Variants in CACNA2D1 observed in about 807,000 individuals in gnomAD.
The protein encoded by CACNA2D1 is calcium voltage-gated channel auxiliary subunit alpha2delta 1, also known as voltage-dependent calcium channel subunit alpha-2/delta-1.
In CACNA2D1, 53 loss-of-function variants were observed where a neutral mutation model predicts 171.5. That is an observed-to-expected ratio of 0.31 (90% confidence interval 0.25 to 0.39). The LOEUF is 0.39. CACNA2D1 is among the 10% of genes least tolerant of loss of function. The probability of loss-of-function intolerance (pLI) is 1.00; values close to 1 mark genes in which losing one functional copy is unlikely to be tolerated. For synonymous variants in CACNA2D1, 442 were observed against 443.1 expected (o/e 1.00, Z 0.03); for missense variants, 903 against 1,299.8 (o/e 0.69, Z 4.69).
intron 3 of CACNA2D1, among the ~76,000 whole-genome samples, chr7:82,305,730 AT>A (rs1813645932): frequency 1.3e-5 from 2 of 152,340 alleles, no homozygotes; most frequent in South Asian, 4.1e-4. Flanking sequence ...ATAAATTTAT[AT>A]GATTTTCTCC....
intron 31 of CACNA2D1, 28 bp downstream of exon 31, chr7:81,967,141 C>G: frequency 6.4e-7 from 1 of 1,568,108 alleles, no homozygotes; most frequent in Non-Finnish European, 8.8e-7. Context: ...ATATTGTACT[C>G]AAAAGTGATT....
At chr7:82,167,363 C>A (rs539655769) in intron 4 of CACNA2D1, among the ~76,000 whole-genome samples, 4 of 152,052 alleles carry the variant, frequency 2.6e-5, no homozygotes, top group African/African-American at 9.6e-5. Flanking sequence ...CGAATTTGAA[C>A]TGTATTCTGC....
chr7:82,336,293 T>C (rs913538097), intron 2 of CACNA2D1, among the ~76,000 whole-genome samples: 1 of 152,198 alleles, frequency 6.6e-6, no homozygotes, highest in Non-Finnish European at 1.5e-5. Flanking sequence ...CACTGGTGAA[T>C]ACTGGCTTCA....
intron 4 of CACNA2D1, among the ~76,000 whole-genome samples, chr7:82,160,225 C>A (rs372394035): frequency 2.6e-5 from 4 of 151,816 alleles, no homozygotes; most frequent in South Asian, 4.2e-4. Flanking sequence ...GCCAGGGCAA[C>A]CTTCAAGTCC....
intron 3 of CACNA2D1, among the ~76,000 whole-genome samples, chr7:82,289,731 A>G (rs1811283471): frequency 6.6e-6 from 1 of 152,218 alleles, no homozygotes; most frequent in Non-Finnish European, 1.5e-5. Flanking sequence ...TCTAATATTT[A>G]CGGCCTTTTT....
intron 1 of CACNA2D1, among the ~76,000 whole-genome samples, chr7:82,357,776 G>A (rs536522211): frequency 6.6e-6 from 1 of 151,220 alleles, no homozygotes; most frequent in Admixed American, 6.6e-5. Context: ...ACCAGTTAAT[G>A]GGTGCAGCAC....
At chr7:81,964,455 A>G in intron 32 of CACNA2D1, 96 bp from the exon 33 acceptor site, 1 of 959,474 alleles carries the variant, frequency 1.0e-6, no homozygotes. Flanking sequence ...AATAATACAA[A>G]GAAACTGAAC....
intron 21 of CACNA2D1, 117 bp from the exon 22 acceptor site, chr7:81,984,828 G>T: frequency 1.5e-6 from 1 of 687,592 alleles, no homozygotes; most frequent in South Asian, 1.6e-5. Context: ...GGAAGGAAAA[G>T]ACATATTACT....
chr7:82,014,547 G>T, intron 12 of CACNA2D1, 68 bp from the exon 13 acceptor site: 1 of 853,682 alleles, frequency 1.2e-6, no homozygotes, highest in Non-Finnish European at 2.0e-6. Flanking sequence ...AAATAAAACA[G>T]CTAAAATTTC....
At position 82,007,758 on chromosome 7, in the gene CACNA2D1, T is replaced by TA; in HGVS notation, c.1363-3dup. ...TCCAGTAATGACAAGTCCCAGTTCC[T>TA]AAAAATAGATTCAGAGAGAAAGGGC... On this transcript the variant is annotated splice_region_variant and splice_polypyrimidine_tract_variant and intron_variant, in intron 15 of 38. Coordinates refer to ENST00000356860, the MANE Select transcript of CACNA2D1 (RefSeq NM_000722.4). 1 of 1,557,698 alleles carries TA rather than the reference T, an allele frequency of 6.4e-7. No individual in the cohort carries two copies. Among genetic ancestry groups the TA allele is most frequent in the African/African-American group, 1.4e-5 (1 of 73,834 alleles).
chr7:81,999,314 G>A (rs1341048556), intron 18 of CACNA2D1, among the ~76,000 whole-genome samples: 1 of 152,016 alleles, frequency 6.6e-6, no homozygotes. Context: ...AAATTCAAAA[G>A]CATAATCTTT....
At chr7:82,183,029 T>C (rs1413317834) in intron 3 of CACNA2D1, among the ~76,000 whole-genome samples, 1 of 126,166 alleles carries the variant, frequency 7.9e-6, no homozygotes, top group Non-Finnish European at 1.7e-5. Context: ...AGTGTGAGAC[T>C]CCATCTTAAA....
At chr7:82,378,514 A>T (rs1823278232) in intron 1 of CACNA2D1, among the ~76,000 whole-genome samples, 2 of 152,182 alleles carry the variant, frequency 1.3e-5, no homozygotes, top group Admixed American at 6.5e-5. Flanking sequence ...CTTAAAAATT[A>T]TATTTTGTTA....
chr7:81,997,796 C>T (rs1380333280), intron 18 of CACNA2D1, among the ~76,000 whole-genome samples: 4 of 151,790 alleles, frequency 2.6e-5, no homozygotes, highest in Non-Finnish European at 4.4e-5. Context: ...TCATATATTT[C>T]AATCTAAGAA....
At chr7:82,419,042 G>A (rs183365028) in intron 1 of CACNA2D1, among the ~76,000 whole-genome samples, 2,191 of 151,622 alleles carry the variant, frequency 0.014, 50 homozygotes, top group African/African-American at 0.05. Flanking sequence ...CCCGAGAGGC[G>A]GAGCTTGCAG....
At chr7:81,965,738 A>G in intron 31 of CACNA2D1, 73 bp from the exon 32 acceptor site, 1 of 852,292 alleles carries the variant, frequency 1.2e-6, no homozygotes, top group South Asian at 1.3e-5. Context: ...ACCCCATTAT[A>G]TACATGATTA....
chr7:82,137,067 C>T (rs887290417), intron 4 of CACNA2D1, among the ~76,000 whole-genome samples: 9 of 152,290 alleles, frequency 5.9e-5, no homozygotes, highest in Admixed American at 3.9e-4. Context: ...TTTTTATATA[C>T]ATACACAGAG....
chr7:82,002,974 G>T (rs1220144373), intron 18 of CACNA2D1, among the ~76,000 whole-genome samples: 1 of 151,296 alleles, frequency 6.6e-6, no homozygotes, highest in Non-Finnish European at 1.5e-5. Flanking sequence ...TTCTTCACTT[G>T]TATTAATGAA....
intron 2 of CACNA2D1, among the ~76,000 whole-genome samples, chr7:82,348,383 T>TA (rs1401462857): frequency 2.6e-5 from 4 of 152,150 alleles, no homozygotes; most frequent in East Asian, 1.9e-4. Context: ...ATTTTTTTTT[T>TA]ATCAACAGAG....
Sources: allele counts gnomAD v4.1 joint callset (sites outside exome capture counted in the v4.1 genomes callset), GRCh38; gene constraint gnomAD v4.1.1; transcripts MANE v1.5; gene names NCBI Gene and HGNC (gene_info 2026-07-23, HGNC 2026-07-21).